Variants in RPUSD3 observed in about 807,000 individuals in gnomAD.
RPUSD3 encodes mitochondrial mRNA pseudouridine synthase RPUSD3.
RPUSD3 carries 36 observed loss-of-function variants against 35.1 expected under a neutral mutation model. That is an observed-to-expected ratio of 1.02 (90% CI 0.79 to 1.35). The LOEUF (loss-of-function observed/expected upper bound fraction) is 1.35. Ranked by LOEUF, RPUSD3 falls within the 40% of genes most tolerant of loss-of-function variation. RPUSD3 has a pLI of 0.00. For synonymous variants in RPUSD3, 202 were observed against 187.8 expected (o/e 1.08, Z -0.62); for missense variants, 486 against 441.9 (o/e 1.10, Z -0.89).
At chr3:9,840,281 T>G (rs780415904) in exon 7 of RPUSD3, 1 of 1,614,060 alleles carries the variant, frequency 6.2e-7, no homozygotes, top group Non-Finnish European at 8.5e-7. Flanking sequence ...GGATGTCCTT[T>G]CGGGATGGGG....
chr3:9,842,053 C>G lies in RPUSD3; in HGVS notation c.337G>C (p.Val113Leu), dbSNP rs768531703. The G allele has an allele frequency of 3.1e-6, 5 of 1,612,026 alleles. No homozygotes were observed. Among genetic ancestry groups the G allele is most frequent in the Non-Finnish European group, 4.2e-6 (5 of 1,178,810 alleles). Reference sequence around the variant, plus strand: ...AGGGACTGGCTCAGCTCTGGCAGCACTGAGAACAACGTCAGCTCTCCTGGT... The same window carrying G: ...AGGGACTGGCTCAGCTCTGGCAGCAGTGAGAACAACGTCAGCTCTCCTGGT... The change falls in exon 4 of 9, where the codon GTG becomes CTG. Residue 113 changes from valine to leucine, a missense_variant. Physicochemically the swap from Val to Leu is conservative, Grantham distance 32. Coordinates refer to ENST00000383820, the Ensembl canonical transcript of RPUSD3.
intron 3 of RPUSD3, 24 bp from the exon 4 acceptor site, chr3:9,842,106 A>G: frequency 6.2e-7 from 1 of 1,609,620 alleles, no homozygotes; most frequent in South Asian, 1.1e-5. Context: ...AAGAAAAATT[A>G]CAAGAGGCCA....
chr3:9,842,241 G>A, exon 3 of RPUSD3: 3 of 1,614,094 alleles, frequency 1.9e-6, no homozygotes, highest in Non-Finnish European at 2.5e-6. Flanking sequence ...GTCACTAGAG[G>A]TCCTGAAACA....
At chr3:9,841,814 G>C in intron 4 of RPUSD3, 169 bp downstream of exon 4, 1 of 612,162 alleles carries the variant, frequency 1.6e-6, no homozygotes, top group African/African-American at 1.8e-5. Context: ...ATTTGTACTT[G>C]AGGATTTGAA....
chr3:9,843,325 A>G (rs2082129986), intron 2 of RPUSD3, 140 bp downstream of exon 2: 12 of 1,255,128 alleles, frequency 9.6e-6, no homozygotes, highest in Non-Finnish European at 1.3e-5. Context: ...GAGAGGGTGC[A>G]AATTAGGTGG....
intron 6 of RPUSD3, 24 bp downstream of exon 6, chr3:9,840,508 T>TC (rs1301931159): frequency 6.2e-7 from 1 of 1,612,450 alleles, no homozygotes; most frequent in Admixed American, 1.7e-5. Flanking sequence ...GAAGCACCCC[T>TC]CCTCTTCCCA....
At chr3:9,843,671 C>T (rs147246820) in intron 1 of RPUSD3, 70 bp from the exon 2 acceptor site, 1 of 1,577,728 alleles carries the variant, frequency 6.3e-7, no homozygotes, top group East Asian at 2.3e-5. Context: ...TCTCCGGACG[C>T]CTCTTCCCAA....
chr3:9,839,977 T>C, intron 7 of RPUSD3: 2 of 502,730 alleles, frequency 4.0e-6, no homozygotes, highest in Non-Finnish European at 3.5e-6. Context: ...GCCTCCCAGG[T>C]TCAAGCGATT....
Position 9,842,254 on chromosome 3 carries a change from C to T in RPUSD3, c.263-11G>A, listed in dbSNP as rs765879511. ...ACGTCACTAGAGGTCCTGAAACATA[C>T]ATCACACGAACATCAGCAAAAGCAA... On this transcript the variant is annotated splice_polypyrimidine_tract_variant and intron_variant, in intron 2 of 8. Transcript: ENST00000383820. The T allele has an allele frequency of 6.2e-7, 1 of 1,614,120 alleles. No individual in the cohort carries two copies. Among genetic ancestry groups the T allele is most frequent in the Non-Finnish European group, 8.5e-7 (1 of 1,179,980 alleles).
In RPUSD3 at chr3:9,842,844, T is replaced by G. The variant is rs1042486739; in HGVS notation, c.263-601A>C. Reference sequence around the variant, plus strand: ...GCAAGCTGATCACAGAGCCTAGGTATGTCTGACTCCAAAGCCTGTGTTTTG... The same window carrying G: ...GCAAGCTGATCACAGAGCCTAGGTAGGTCTGACTCCAAAGCCTGTGTTTTG... On this transcript the variant is annotated intron_variant, in intron 2 of 8. Transcript: ENST00000383820. The G allele has an allele frequency of 9.6e-5, 15 of 155,470 alleles. 1 individual carries two copies. Among genetic ancestry groups the G allele is most frequent in the Admixed American group, 9.3e-4 (15 of 16,096 alleles). 9.6% of individuals were successfully genotyped at this position (155,470 alleles called of 1,614,324 possible).
In RPUSD3 at chr3:9,843,995, C is replaced by G. The variant is rs144970409; in HGVS notation, c.20G>C (p.Arg7Pro). 5,340 of 1,593,268 alleles carry G rather than the reference C, an allele frequency of 3.4e-3. 39 individuals carry two copies. The highest frequency in any genetic ancestry group is 0.028 in the Middle Eastern group (169 of 6,048). The change falls in exon 1 of 9, where the codon CGG (arginine) becomes CCG (proline). Residue 7 changes from arginine (R) to proline (P), a missense_variant. Arg to Pro is a moderately radical substitution (Grantham distance 103). Coordinates refer to ENST00000383820, the Ensembl canonical transcript of RPUSD3. The stretch of plus-strand genomic sequence containing the variant: ...CAAAACACGGCGGCCGTCCATCTCC[C>G]GAGCCAGGACAGCGCGCATGTGCGT...
intron 4 of RPUSD3, chr3:9,841,021 C>CA (rs1185006209): frequency 1.0e-5 from 4 of 395,982 alleles, no homozygotes; most frequent in Non-Finnish European, 1.8e-5. Context: ...CCAGGGAACT[C>CA]AGAGCCAAAT....
chr3:9,838,920 A>G (rs2082062248), intron 8 of RPUSD3, 112 bp downstream of exon 8: 1 of 1,478,694 alleles, frequency 6.8e-7, no homozygotes, highest in South Asian at 1.2e-5. Flanking sequence ...TTGGGAGCCA[A>G]AAGGGCTGCC....
In RPUSD3 at chr3:9,840,344, G is replaced by A. The variant is rs373460070; in HGVS notation, c.601-37C>T. 9 of 1,613,972 alleles carry A rather than the reference G, an allele frequency of 5.6e-6. No homozygotes were observed. In the African/African-American group the frequency reaches 1.2e-4, roughly 22 times the overall value. Reference sequence around the variant, plus strand: ...GCCAAGAGTGAACAAGCCTTACACAGGTCTGGGAGCTATACCCAGACCCTC... The same window carrying A: ...GCCAAGAGTGAACAAGCCTTACACAAGTCTGGGAGCTATACCCAGACCCTC... On this transcript the variant is annotated intron_variant, in intron 6 of 8. Transcript: ENST00000383820.
chr3:9,839,973 C>T (rs1159793895), intron 7 of RPUSD3: 1 of 495,604 alleles, frequency 2.0e-6, no homozygotes, highest in Non-Finnish European at 3.6e-6. Flanking sequence ...TTCTGCCTCC[C>T]AGGTTCAAGC....
chr3:9,842,398 T>C (rs1559236596), intron 2 of RPUSD3, 155 bp from the exon 3 acceptor site: 9 of 744,510 alleles, frequency 1.2e-5, no homozygotes, highest in Non-Finnish European at 2.1e-5. Flanking sequence ...TTCAACTTCT[T>C]TCTGTTCCTC....
At chr3:9,843,384 C>T (rs2082130647) in intron 2 of RPUSD3, 81 bp downstream of exon 2, 3 of 1,579,702 alleles carry the variant, frequency 1.9e-6, no homozygotes, top group African/African-American at 1.3e-5. Context: ...GGGCTGATCC[C>T]GTGGCTTCAA....
rs748033046 is a variant in RPUSD3, at chr3:9,840,714, GCCTTT to G, written c.494_498del (p.Gln165ProfsTer10). 1.6e-5 allele frequency: 26 copies of G among 1,614,172 alleles called. No homozygotes were observed. In the South Asian group the frequency reaches 2.9e-4, roughly 18 times the overall value. On this transcript the variant is annotated frameshift_variant, in exon 5 of 9. Transcript: ENST00000383820. LOFTEE classifies it high-confidence loss of function. ...ACCTCTCACCAGTAGGTGGCTGTGG[GCCTTT>G]GGGCTCTCCGTGCATGGGTGAAGTA...
At chr3:9,839,890 T>G (rs921189654) in intron 7 of RPUSD3, 2 of 239,056 alleles carry the variant, frequency 8.4e-6, no homozygotes, top group African/African-American at 2.3e-5. Flanking sequence ...AGTGCAGTTT[T>G]TTTTTTTTTT....
Sources: gnomAD v4.1 joint callset for allele counts on GRCh38, gnomAD v4.1.1 for gene constraint, MANE v1.5 for transcripts, NCBI Gene and HGNC (gene_info 2026-07-23, HGNC 2026-07-21) for gene names.